Variants in SACS observed in about 807,000 individuals in gnomAD.
SACS encodes sacsin molecular chaperone, also known as sacsin.
SACS carries 197 observed loss-of-function variants against 348.0 expected under a neutral mutation model. The observed-to-expected ratio is 0.57, with a 90% CI of 0.50 to 0.64. The LOEUF is 0.64. SACS is among the 30% of genes least tolerant of loss of function. SACS has a pLI of 0.00. For synonymous variants in SACS, 1,985 were observed against 1,910.6 expected (o/e 1.04, Z -1.02); for missense variants, 4,999 against 5,360.8 (o/e 0.93, Z 2.11).
chr13:23,412,411 T>C (rs1211906491), intron 1 of SACS, among the ~76,000 whole-genome samples: 3 of 51,308 alleles, frequency 5.8e-5, no homozygotes, highest in African/African-American at 1.2e-4. Context: ...CAAACCCTTT[T>C]TTTTTTTTTT....
At chr13:23,429,928 A>G (rs1874367150) in intron 1 of SACS, among the ~76,000 whole-genome samples, 1 of 152,004 alleles carries the variant, frequency 6.6e-6, no homozygotes, top group Non-Finnish European at 1.5e-5. Context: ...CATTTAATAT[A>G]ATATTGGCTG....
rs1868505589 is a variant in SACS at position 23,335,596 on chromosome 13, A to T, written c.8280T>A (p.Asn2760Lys). 1 of 1,613,894 alleles carries T rather than the reference A, an allele frequency of 6.2e-7. No individual in the cohort carries two copies. Among genetic ancestry groups the T allele is most frequent in the Non-Finnish European group, 8.5e-7 (1 of 1,179,894 alleles). The change falls in exon 10 of 10, where the codon AAT becomes AAA. Residue 2760 changes from asparagine to lysine, a missense_variant. Physicochemically the swap from Asn to Lys is moderately conservative, Grantham distance 94. Around this residue, in one of 6 missense-constraint regions of SACS, gnomAD observed 3,156 missense variants for 3,380.1 expected, o/e 0.93. Coordinates refer to ENST00000382292, the MANE Select transcript of SACS (RefSeq NM_014363.6). The surrounding 1 kb of genome is among the most constrained non-coding windows in gnomAD (Gnocchi z 4.7). ...TTTTGCCCTTTACTGAATACAGCAC[A>T]TTTAGAGCTCCAGTACTCTTATCTA... is the stretch of plus-strand genomic sequence containing the variant. ...CEIDKSTGAL[N>K]VLYSVKGKIT...
intron 2 of SACS, among the ~76,000 whole-genome samples, chr13:23,396,961 GCTT>G (rs963144522): frequency 1.7e-4 from 26 of 152,066 alleles, no homozygotes; most frequent in African/African-American, 5.1e-4. Context: ...CATAATTTTG[GCTT>G]CTTATTATTA....
chr13:23,388,498 T>C (rs1426821098), intron 2 of SACS, among the ~76,000 whole-genome samples: 1 of 147,674 alleles, frequency 6.8e-6, no homozygotes, highest in African/African-American at 2.5e-5. Context: ...TATATATATA[T>C]ATATATATAT....
chr13:23,374,384 C>T (rs1024702504), intron 3 of SACS, among the ~76,000 whole-genome samples: 1 of 152,184 alleles, frequency 6.6e-6, no homozygotes, highest in East Asian at 1.9e-4. Flanking sequence ...ATCCTATACG[C>T]TCAAGTATTC....
At chr13:23,349,000 C>A (rs1465588600) in intron 9 of SACS, among the ~76,000 whole-genome samples, 1 of 152,164 alleles carries the variant, frequency 6.6e-6, no homozygotes, top group Non-Finnish European at 1.5e-5. Context: ...TGCACCAAGG[C>A]CAGTGAGACA....
rs1452082694 is a variant in SACS, at chr13:23,330,613, G to C, written c.13263C>G (p.Pro4421=). Residue 4421 remains proline, a synonymous_variant, in exon 10 of 10, where the codon CCC becomes CCG. Coordinates refer to ENST00000382292, the MANE Select transcript of SACS (RefSeq NM_014363.6). ...ERQQQNKEKC[P]PSAGQTYSQR... is the part of the protein sequence containing the mutation. ...GAGAGTAAGTCTGTCCGGCTGAAGG[G>C]GGGCATTTTTCTTTGTTCTGTTGCT... The C allele has an allele frequency of 1.4e-5, 23 of 1,613,672 alleles. No individual in the cohort carries two copies. The highest frequency in any genetic ancestry group is 1.9e-5 in the Non-Finnish European group (23 of 1,179,978).
At chr13:23,397,536 G>A (rs1008601908) in intron 2 of SACS, among the ~76,000 whole-genome samples, 1 of 151,994 alleles carries the variant, frequency 6.6e-6, no homozygotes, top group Non-Finnish European at 1.5e-5. Flanking sequence ...TTTTAAAAAG[G>A]TTTTCTTTAT....
chr13:23,365,403 T>C (rs751005031), intron 5 of SACS, 126 bp from the exon 6 acceptor site: 3 of 628,096 alleles, frequency 4.8e-6, no homozygotes, highest in African/African-American at 1.9e-5. Context: ...ATTTGCAACA[T>C]TACCTTTAAG....
In SACS at chr13:23,338,443, T is replaced by C. The variant is rs1162334138; in HGVS notation, c.5433A>G (p.Lys1811=). The change falls in exon 10 of 10, where the codon AAA becomes AAG. Residue 1811 remains lysine, a synonymous_variant. Coordinates refer to ENST00000382292, the MANE Select transcript of SACS (RefSeq NM_014363.6). ...GAAGCCACGTGGTACACTCTACTGT[T>C]TTCTGTGACAACTCATCTGATGGCT... ...SKKPSDELSQ[K]TVECTTWLLC... is the part of the protein sequence containing the mutation. 7 of 1,614,050 alleles carry C rather than the reference T, an allele frequency of 4.3e-6. No homozygotes were observed. In the African/African-American group the frequency reaches 8.0e-5, roughly 18 times the overall value.
chr13:23,422,937 G>A (rs1320211899), intron 1 of SACS, among the ~76,000 whole-genome samples: 2 of 152,148 alleles, frequency 1.3e-5, no homozygotes, highest in African/African-American at 4.8e-5. Context: ...AGCTATGTGC[G>A]AAGAACATTT....
rs1400757519 is a variant in SACS, at chr13:23,330,612, G to T, written c.13264C>A (p.Pro4422Thr). 1 of 1,613,820 alleles carries T rather than the reference G, an allele frequency of 6.2e-7. No individual in the cohort carries two copies. The change falls in exon 10 of 10, where the codon CCT (proline) becomes ACT (threonine). Residue 4422 changes from proline (P) to threonine (T), a missense_variant. By Grantham distance (38) the Pro-to-Thr change is conservative. Transcript: ENST00000382292. ...RQQQNKEKCPPSAGQTYSQRF... is the reference protein window; with the variant it reads ...RQQQNKEKCPTSAGQTYSQRF... ...TGAGAGTAAGTCTGTCCGGCTGAAGGGGGGCATTTTTCTTTGTTCTGTTGC... is the reference window on the plus strand; with the variant it reads ...TGAGAGTAAGTCTGTCCGGCTGAAGTGGGGCATTTTTCTTTGTTCTGTTGC...
In SACS at chr13:23,339,570, C is replaced by G; in HGVS notation, c.4306G>C (p.Val1436Leu). The change falls in exon 10 of 10, where the codon GTT (valine) becomes CTT (leucine). Residue 1436 changes from valine to leucine, a missense_variant. Coordinates refer to ENST00000382292, the MANE Select transcript of SACS (RefSeq NM_014363.6). ...ATCAGTCTTGTACTAAGGCATGGAA[C>G]TTTTAGCCATTCTGCAGTTTTCATG... ...IPMKTAEWLK[V>L]PCLSTRLINP... The G allele has an allele frequency of 6.2e-7, 1 of 1,612,794 alleles. No individual in the cohort carries two copies. The highest frequency in any genetic ancestry group is 8.5e-7 in the Non-Finnish European group (1 of 1,178,912).
intron 2 of SACS, chr13:23,375,542 A>AGGCGGG (rs1200282639): frequency 1.9e-6 from 2 of 1,070,906 alleles, no homozygotes; most frequent in Non-Finnish European, 2.3e-6. Context: ...GCCGAGGAGC[A>AGGCGGG]GGCGGGGGCG....
chr13:23,384,793 T>G (rs1476787948), intron 2 of SACS, among the ~76,000 whole-genome samples: 5 of 152,172 alleles, frequency 3.3e-5, no homozygotes, highest in Admixed American at 2.0e-4. Context: ...ATTTCATTTT[T>G]TTGGCACAGG....
At chr13:23,381,140 T>C (rs1429192634) in intron 2 of SACS, among the ~76,000 whole-genome samples, 1 of 152,200 alleles carries the variant, frequency 6.6e-6, no homozygotes, top group Admixed American at 6.5e-5. Context: ...AGTGTCAGGA[T>C]TGGAACCCAG....
At chr13:23,367,875 T>G (rs996190883) in intron 5 of SACS, among the ~76,000 whole-genome samples, 3 of 152,218 alleles carry the variant, frequency 2.0e-5, no homozygotes, top group Non-Finnish European at 4.4e-5. Context: ...ATTACAGGCA[T>G]GAGCCACTGC....
chr13:23,401,929 C>T (rs12870287), intron 2 of SACS, among the ~76,000 whole-genome samples: 24,067 of 152,182 alleles, frequency 0.16, 2,270 homozygotes, highest in Non-Finnish European at 0.21. Flanking sequence ...GCCTCTAATC[C>T]AGCACTTTGG....
At position 23,331,532 on chromosome 13, in the gene SACS, G is replaced by T. The variant is rs1883474821; in HGVS notation, c.12344C>A (p.Ser4115Tyr). 6.2e-7 allele frequency: 1 copy of T among 1,613,764 alleles called. No individual in the cohort carries two copies. The highest frequency in any genetic ancestry group is 1.3e-5 in the African/African-American group (1 of 75,024). ...TLKSATDNLI[S>Y]DTSYLIAMLG... ...CATAGCAATTAAATATGAAGTGTCAGAAATCAAATTGTCAGTTGCTGATTT... is the reference window on the plus strand; with the variant it reads ...CATAGCAATTAAATATGAAGTGTCATAAATCAAATTGTCAGTTGCTGATTT... Residue 4115 changes from serine (S) to tyrosine (Y), a missense_variant, in exon 10 of 10, where the codon TCT (serine) becomes TAT (tyrosine). Ser to Tyr is a moderately radical substitution (Grantham distance 144). This residue lies in a region of SACS where 831 missense variants were observed against 941.8 expected (regional missense o/e 0.88). Transcript: ENST00000382292.
Sources: gnomAD v4.1 joint callset for allele counts (sites outside exome capture counted in the v4.1 genomes callset) on GRCh38, gnomAD v4.1.1 for gene constraint, gnomAD v4.1.1 regional missense constraint, Gnocchi (gnomAD v3.1) non-coding constraint, MANE v1.5 for transcripts, NCBI Gene and HGNC (gene_info 2026-07-23, HGNC 2026-07-21) for gene names.